Variants in MRPS5 observed in about 807,000 individuals in gnomAD.
MRPS5 encodes the protein mitochondrial ribosomal protein S5.
Under a neutral mutation model 51.9 loss-of-function variants are expected in MRPS5, and 27 were observed. The ratio of observed to expected loss-of-function variants is 0.52; its 90% confidence interval spans 0.38 to 0.72. The LOEUF (loss-of-function observed/expected upper bound fraction) is 0.72, where lower values mean the gene tolerates loss of function less well. Ranked by LOEUF, MRPS5 falls within the 30% of genes least tolerant of loss-of-function variation. The pLI, the probability that MRPS5 is intolerant of heterozygous loss-of-function variation, is 0.00. For missense variants in MRPS5, 570 were observed against 545.7 expected, an observed-to-expected ratio of 1.04 and a Z score of -0.44; for synonymous variants, 196 against 193.2, an observed-to-expected ratio of 1.01 and a Z score of -0.12.
At position 95,086,687 on chromosome 2, in the gene MRPS5, A is replaced by AG. The variant is rs1675299647; in HGVS notation, c.*669dup. ...AAAACTTCTGTAAAGCATGTATGAT[A>AG]GGGGGGCTTATATCTAGAAACTATA... is the stretch of plus-strand genomic sequence containing the variant. On this transcript the variant is annotated 3_prime_UTR_variant, in exon 12 of 12. Coordinates refer to ENST00000272418, the MANE Select transcript of MRPS5 (RefSeq NM_031902.5). 6.6e-6 allele frequency among the ~76,000 whole-genome samples: 1 copy of AG among 152,014 alleles called. No individual in the cohort carries two copies. Among genetic ancestry groups the AG allele is most frequent in the South Asian group, 2.1e-4 (1 of 4,822 alleles).
At chr2:95,106,236 T>C (rs1178957940) in intron 6 of MRPS5, among the ~76,000 whole-genome samples, 187 bp downstream of exon 6, 2 of 152,160 alleles carry the variant, frequency 1.3e-5, no homozygotes, top group Non-Finnish European at 2.9e-5. Context: ...GAGAGGGTAG[T>C]AGTCAGAAGA....
At position 95,086,293 on chromosome 2, in the gene MRPS5, AAAG is replaced by A. The variant is rs1463990254; in HGVS notation, c.*1061_*1063del. ...ATTATAAACACTCTTGAAGCCATTTAAAGAAAAAAAAAGTCTCAGCAAATAGCC... is the reference window on the plus strand; with the variant it reads ...ATTATAAACACTCTTGAAGCCATTTAAAAAAAAAAGTCTCAGCAAATAGCC... On this transcript the variant is annotated 3_prime_UTR_variant, in exon 12 of 12. Transcript: ENST00000272418. Among the ~76,000 whole-genome samples the A allele has an allele frequency of 2.0e-5, 3 of 152,234 alleles. No homozygotes were observed. The highest frequency in any genetic ancestry group is 4.4e-5 in the Non-Finnish European group (3 of 68,032).
chr2:95,120,999 T>A (rs1676428102), intron 1 of MRPS5, among the ~76,000 whole-genome samples: 2 of 151,990 alleles, frequency 1.3e-5, no homozygotes, highest in East Asian at 1.9e-4. Context: ...ACGCCTGTAA[T>A]CCCAGCTACT....
Position 95,117,856 on chromosome 2 carries a change from G to C in MRPS5, c.139+9C>G, listed in dbSNP as rs1011797521. 3 of 1,593,836 alleles carry C rather than the reference G, an allele frequency of 1.9e-6. No homozygotes were observed. Among genetic ancestry groups the C allele is most frequent in the Non-Finnish European group, 2.6e-6 (3 of 1,172,612 alleles). ...TATGAGAAAAGGTAGTAGCATTAAT[G>C]AATCTCACCATTGCCGAGAACACTC... is the stretch of plus-strand genomic sequence containing the variant. On this transcript the variant is annotated intron_variant, in intron 2 of 11. Transcript: ENST00000272418.
chr2:95,086,847 C>G lies in MRPS5; in HGVS notation c.*510G>C, dbSNP rs560480933. 2.0e-5 allele frequency among the ~76,000 whole-genome samples: 3 copies of G among 152,284 alleles called. No homozygotes were observed. The highest frequency in any genetic ancestry group is 6.8e-3 in the Middle Eastern group (2 of 294). ...AACATCATCAGCCATCAGGGAAATACAAGTCAAAATTGCAATGGTATACAA... is the reference window on the plus strand; with the variant it reads ...AACATCATCAGCCATCAGGGAAATAGAAGTCAAAATTGCAATGGTATACAA... On this transcript the variant is annotated 3_prime_UTR_variant, in exon 12 of 12. Coordinates refer to ENST00000272418, the MANE Select transcript of MRPS5 (RefSeq NM_031902.5).
intron 3 of MRPS5, among the ~76,000 whole-genome samples, chr2:95,111,041 A>G (rs1676103093): frequency 6.6e-6 from 1 of 152,226 alleles, no homozygotes; most frequent in Non-Finnish European, 1.5e-5. Flanking sequence ...AAAATGTTTT[A>G]GGGTTATAAT....
chr2:95,103,755 G>T (rs1368383651), intron 7 of MRPS5: 1 of 152,134 alleles, frequency 6.6e-6, no homozygotes, highest in Non-Finnish European at 1.5e-5. Context: ...GAATCAAGGA[G>T]AATGTTTATG....
At chr2:95,096,484 T>G (rs2104401113) in intron 10 of MRPS5, among the ~76,000 whole-genome samples, 2 of 152,280 alleles carry the variant, frequency 1.3e-5, no homozygotes, top group South Asian at 4.1e-4. Context: ...AAAAAGCTTA[T>G]CCACCACGAT....
At chr2:95,098,924 T>TA (rs67740207) in intron 10 of MRPS5, among the ~76,000 whole-genome samples, 2 of 19,596 alleles carry the variant, frequency 1.0e-4, no homozygotes, top group African/African-American at 2.6e-4. Context: ...TATTATTATT[T>TA]TTTTTTTTTT....
At position 95,087,543 on chromosome 2, in the gene MRPS5, A is replaced by G. The variant is rs1415854473; in HGVS notation, c.1107T>C (p.His369=). ...CACATTCCTCCCGGATTTCCACAACATGGAGGCCCTTCTTATCAGCCAGCT... is the reference window on the plus strand; with the variant it reads ...CACATTCCTCCCGGATTTCCACAACGTGGAGGCCCTTCTTATCAGCCAGCT... ...HQQLADKKGL[H]VVEIREECGP... Residue 369 remains histidine, a synonymous_variant, in exon 12 of 12, where the codon CAT becomes CAC. Coordinates refer to ENST00000272418, the MANE Select transcript of MRPS5 (RefSeq NM_031902.5). 4.3e-6 allele frequency: 7 copies of G among 1,613,900 alleles called. No homozygotes were observed. In the African/African-American group the frequency reaches 5.3e-5, roughly 12 times the overall value.
intron 8 of MRPS5, 89 bp from the exon 9 acceptor site, chr2:95,100,983 T>C: frequency 1.7e-6 from 2 of 1,181,870 alleles, no homozygotes; most frequent in Middle Eastern, 2.2e-4. Context: ...AATGTTTCAT[T>C]ATCAAAAATT....
At chr2:95,091,835 G>A (rs1675475583) in intron 10 of MRPS5, 4 of 152,222 alleles carry the variant, frequency 2.6e-5, no homozygotes, top group Admixed American at 2.6e-4. Context: ...CTTCCAGGTG[G>A]AGTTATGTAC....
At chr2:95,098,500 C>T (rs1275967020) in intron 10 of MRPS5, among the ~76,000 whole-genome samples, 1 of 152,178 alleles carries the variant, frequency 6.6e-6, no homozygotes, top group Non-Finnish European at 1.5e-5. Flanking sequence ...CCACTGAATA[C>T]TATGCAGCCA....
chr2:95,108,834 A>C (rs948760162), intron 4 of MRPS5, among the ~76,000 whole-genome samples: 17 of 152,302 alleles, frequency 1.1e-4, no homozygotes, highest in African/African-American at 3.6e-4. Flanking sequence ...AAAAAAGTAA[A>C]CTGTAAGACA....
chr2:95,104,287 G>C, intron 7 of MRPS5: 1 of 174,552 alleles, frequency 5.7e-6, no homozygotes, highest in East Asian at 1.5e-4. Flanking sequence ...TTCTTTAATG[G>C]ATACAGAATA....
chr2:95,087,829 C>T (rs1456583413), intron 11 of MRPS5, among the ~76,000 whole-genome samples: 3 of 152,176 alleles, frequency 2.0e-5, no homozygotes, highest in Non-Finnish European at 1.5e-5. Flanking sequence ...GGTCTCTTGC[C>T]TTCTAAACCC....
chr2:95,099,208 G>C (rs1269346525), intron 10 of MRPS5, among the ~76,000 whole-genome samples: 2 of 150,740 alleles, frequency 1.3e-5, no homozygotes, highest in Non-Finnish European at 2.9e-5. Context: ...GTGAGCCACC[G>C]TGCCCGGCCA....
At chr2:95,097,919 G>A (rs1195965111) in intron 10 of MRPS5, among the ~76,000 whole-genome samples, 2 of 152,126 alleles carry the variant, frequency 1.3e-5, no homozygotes, top group Admixed American at 6.5e-5. Flanking sequence ...GCAACCTACC[G>A]AATGGGAGAA....
chr2:95,116,838 A>T (rs1676297833), intron 2 of MRPS5, among the ~76,000 whole-genome samples: 1 of 152,218 alleles, frequency 6.6e-6, no homozygotes. Flanking sequence ...CTCTACTAAA[A>T]ATACAAAAAT....
Sources: gnomAD v4.1 joint callset for allele counts (sites outside exome capture counted in the v4.1 genomes callset) on GRCh38, gnomAD v4.1.1 for gene constraint, MANE v1.5 for transcripts, NCBI Gene and HGNC (gene_info 2026-07-23, HGNC 2026-07-21) for gene names.